SEMA3C: variants seen among roughly 807,000 people sequenced by gnomAD.
SEMA3C encodes semaphorin-3C.
A neutral mutation model predicts 89.4 loss-of-function variants in SEMA3C; 47 were observed. That is an observed-to-expected ratio of 0.53 (90% CI 0.42 to 0.67). The LOEUF is 0.67. Ranked by LOEUF, SEMA3C falls within the 30% of genes least tolerant of loss-of-function variation. SEMA3C has a pLI of 0.00. For synonymous variants in SEMA3C, 310 were observed against 320.2 expected (o/e 0.97, Z 0.34); for missense variants, 839 against 929.1 (o/e 0.90, Z 1.26).
intron 2 of SEMA3C, among the ~76,000 whole-genome samples, chr7:80,863,986 C>T (rs1790864303): frequency 6.9e-6 from 1 of 144,042 alleles, no homozygotes; most frequent in Admixed American, 6.9e-5. Context: ...ACATATATCA[C>T]ATGTATATCA....
In SEMA3C at chr7:80,787,828, C is replaced by T. The variant is rs537906574; in HGVS notation, c.1354+1478G>A. On this transcript the variant is annotated intron_variant, in intron 12 of 17. Transcript: ENST00000265361. The stretch of plus-strand genomic sequence containing the variant: ...TATAAATTGAGAGCAGAGTGAGGAA[C>T]AGTTATTCTGGGAAGGAAGGATTAT... Among the ~76,000 whole-genome samples, 10 of 152,206 alleles carry T rather than the reference C, an allele frequency of 6.6e-5. No individual in the cohort carries two copies. The South Asian group carries it at 1.9e-3, about 28-fold the overall frequency.
At chr7:80,781,915 T>C (rs1486149513) in intron 12 of SEMA3C, among the ~76,000 whole-genome samples, 1 of 152,056 alleles carries the variant, frequency 6.6e-6, no homozygotes, top group Non-Finnish European at 1.5e-5. Flanking sequence ...CTGCCCTCTG[T>C]CCTCCTGCTG....
intron 12 of SEMA3C, among the ~76,000 whole-genome samples, chr7:80,781,739 C>T (rs1473222995): frequency 1.3e-5 from 2 of 152,156 alleles, no homozygotes; most frequent in African/African-American, 2.4e-5. Context: ...CAATAGACTG[C>T]ATCATTTAAT....
chr7:80,856,979 C>T (rs1790656853), intron 2 of SEMA3C, among the ~76,000 whole-genome samples: 1 of 152,122 alleles, frequency 6.6e-6, no homozygotes, highest in Admixed American at 6.6e-5. Context: ...ACATTATCCC[C>T]ATCCTCCCCT....
chr7:80,870,222 G>T (rs1255905615), intron 2 of SEMA3C, among the ~76,000 whole-genome samples: 1 of 152,152 alleles, frequency 6.6e-6, no homozygotes, highest in Non-Finnish European at 1.5e-5. Context: ...CCCCACCTGA[G>T]TGGGAAGACA....
intron 11 of SEMA3C, among the ~76,000 whole-genome samples, chr7:80,791,917 T>G (rs1045193820): frequency 4.6e-5 from 7 of 152,172 alleles, no homozygotes; most frequent in Non-Finnish European, 1.0e-4. Context: ...GCATCATGAG[T>G]GCAATATTGA....
rs1419948144 is a variant in SEMA3C at position 80,896,224 on chromosome 7, T to C, written c.103+20455A>G. ...TGTAAACATGGAATTCATTCATTAA[T>C]TTACAATAACTGATTCCATTGTATA... On this transcript the variant is annotated intron_variant, in intron 2 of 17. Transcript: ENST00000265361. Among the ~76,000 whole-genome samples the C allele has an allele frequency of 2.0e-5, 3 of 152,306 alleles. No homozygotes were observed. The East Asian group carries it at 5.8e-4, about 29-fold the overall frequency.
chr7:80,875,803 A>G (rs1344320317), intron 2 of SEMA3C, among the ~76,000 whole-genome samples: 2 of 152,042 alleles, frequency 1.3e-5, no homozygotes, highest in East Asian at 3.9e-4. Flanking sequence ...CAATGTGGAT[A>G]TGACAAAAAG....
chr7:80,821,422 T>A (rs1789743394), intron 4 of SEMA3C, among the ~76,000 whole-genome samples: 1 of 152,190 alleles, frequency 6.6e-6, no homozygotes, highest in African/African-American at 2.4e-5. Context: ...ACAGTTGTTT[T>A]TTTTTGGGGG....
chr7:80,745,367 C>G, intron 17 of SEMA3C, 60 bp from the exon 18 acceptor site: 2 of 1,464,016 alleles, frequency 1.4e-6, no homozygotes, highest in Non-Finnish European at 1.9e-6. Context: ...TAGATTATGA[C>G]CAACATACAC....
chr7:80,850,770 T>C (rs1479123655), intron 2 of SEMA3C, among the ~76,000 whole-genome samples: 2 of 152,202 alleles, frequency 1.3e-5, no homozygotes, highest in East Asian at 3.9e-4. Flanking sequence ...TTGATAATTA[T>C]ATTTTCTAAA....
chr7:80,880,725 G>C (rs545020490), intron 2 of SEMA3C, among the ~76,000 whole-genome samples: 1 of 152,232 alleles, frequency 6.6e-6, no homozygotes, highest in South Asian at 2.1e-4. Flanking sequence ...AAGAGTTCCA[G>C]ATCAGCCTGG....
rs10230880 is a variant in SEMA3C at position 80,761,486 on chromosome 7, C to A, written c.1485+130G>T. On this transcript the variant is annotated intron_variant, in intron 14 of 17. Coordinates refer to ENST00000265361, the MANE Select transcript of SEMA3C (RefSeq NM_006379.5). ...TACATCAAAATTAAAGGTGACTTTG[C>A]GGTATACTTTAAGTAGTACTCTTTA... 6.2e-6 allele frequency: 3 copies of A among 482,486 alleles called. No homozygotes were observed. In the East Asian group the frequency reaches 1.2e-4, roughly 19 times the overall value. The allele number at this position is 482,486 out of a possible 1,614,324, so 29.9% of individuals were successfully genotyped here.
chr7:80,782,992 T>C (rs950273878), intron 12 of SEMA3C, among the ~76,000 whole-genome samples: 4 of 152,154 alleles, frequency 2.6e-5, no homozygotes, highest in African/African-American at 7.2e-5. Context: ...AATGGGTAAT[T>C]TGAGCAGACT....
At chr7:80,832,490 C>T (rs1245867637) in intron 2 of SEMA3C, among the ~76,000 whole-genome samples, 2 of 152,150 alleles carry the variant, frequency 1.3e-5, no homozygotes, top group South Asian at 4.1e-4. Context: ...ACCATACTGG[C>T]CCCATTCTTC....
At chr7:80,801,955 T>A (rs1209447916) in intron 9 of SEMA3C, among the ~76,000 whole-genome samples, 2 of 152,162 alleles carry the variant, frequency 1.3e-5, no homozygotes, top group Non-Finnish European at 2.9e-5. Flanking sequence ...CACAGATTTA[T>A]AACTTATCAC....
chr7:80,749,700 A>G (rs1264100721), intron 16 of SEMA3C, among the ~76,000 whole-genome samples: 3 of 152,174 alleles, frequency 2.0e-5, no homozygotes, highest in South Asian at 4.1e-4. Flanking sequence ...AGGTTTCTCA[A>G]CGAAAGTATT....
In SEMA3C at chr7:80,916,810, G is replaced by C; in HGVS notation, c.-29C>G. The C allele has an allele frequency of 6.2e-7, 1 of 1,611,460 alleles. No individual in the cohort carries two copies. The highest frequency in any genetic ancestry group is 1.1e-5 in the South Asian group (1 of 90,672). Reference sequence around the variant, plus strand: ...TTCAGATATGCAAGTTAATATCCAAGGGAAAATACCTTTAAGAGAGAGACA... The same window carrying C: ...TTCAGATATGCAAGTTAATATCCAACGGAAAATACCTTTAAGAGAGAGACA... On this transcript the variant is annotated 5_prime_UTR_variant, in exon 2 of 18. Coordinates refer to ENST00000265361, the MANE Select transcript of SEMA3C (RefSeq NM_006379.5).
chr7:80,762,307 T>C (rs947201912), intron 13 of SEMA3C, among the ~76,000 whole-genome samples: 6 of 152,150 alleles, frequency 3.9e-5, no homozygotes, highest in African/African-American at 1.4e-4. Context: ...GACACTATTG[T>C]TCACCTGCCA....
Sources: allele counts gnomAD v4.1 joint callset (sites outside exome capture counted in the v4.1 genomes callset), GRCh38; gene constraint gnomAD v4.1.1; transcripts MANE v1.5; gene names NCBI Gene and HGNC (gene_info 2026-07-23, HGNC 2026-07-21).